DCDC2: variants seen among roughly 807,000 people sequenced by gnomAD.
DCDC2 encodes doublecortin domain containing 2.
DCDC2 carries 40 observed loss-of-function variants against 50.2 expected under a neutral mutation model. That is an observed-to-expected ratio of 0.80 (90% confidence interval 0.62 to 1.04). The LOEUF is 1.04. DCDC2 is among the 50% of genes least tolerant of loss of function. The probability of loss-of-function intolerance (pLI) is 0.00; values close to 1 mark genes in which losing one functional copy is unlikely to be tolerated. For synonymous variants in DCDC2, 234 were observed against 210.6 expected (o/e 1.11, Z -0.96); for missense variants, 570 against 581.9 (o/e 0.98, Z 0.21).
intron 2 of DCDC2, among the ~76,000 whole-genome samples, chr6:24,330,993 C>CA (rs1759955146): frequency 6.6e-6 from 1 of 151,808 alleles, no homozygotes; most frequent in Non-Finnish European, 1.5e-5. Context: ...AAAAAGAAGG[C>CA]AAAAAAATGA....
intron 7 of DCDC2, among the ~76,000 whole-genome samples, chr6:24,206,574 A>G (rs1761721315): frequency 6.6e-6 from 1 of 152,208 alleles, no homozygotes; most frequent in South Asian, 2.1e-4. Context: ...TTGCTTACTA[A>G]GAGACTACAA....
chr6:24,340,142 G>A (rs929709182), intron 2 of DCDC2, among the ~76,000 whole-genome samples: 5 of 152,022 alleles, frequency 3.3e-5, no homozygotes, highest in South Asian at 2.1e-4. Flanking sequence ...ATCTGCAGAC[G>A]TTCACACATG....
chr6:24,231,843 C>G (rs1762342022), intron 7 of DCDC2, among the ~76,000 whole-genome samples: 1 of 152,090 alleles, frequency 6.6e-6, no homozygotes, highest in Non-Finnish European at 1.5e-5. Context: ...CAAGAAGCTG[C>G]AAATCTAAAT....
chr6:24,288,288 G>C (rs1763661231), intron 6 of DCDC2, among the ~76,000 whole-genome samples: 1 of 152,196 alleles, frequency 6.6e-6, no homozygotes, highest in African/African-American at 2.4e-5. Flanking sequence ...CCATCAGGGA[G>C]CGCAGACTGA....
intron 4 of DCDC2, among the ~76,000 whole-genome samples, chr6:24,297,483 G>A (rs893102508): frequency 2.6e-5 from 4 of 151,972 alleles, no homozygotes; most frequent in East Asian, 3.9e-4. Flanking sequence ...AAAAAAAGAA[G>A]TTTCTCTAAG....
At chr6:24,361,642 C>A (rs79425384), upstream of DCDC2, among the ~76,000 whole-genome samples, 1 of 152,088 alleles carries the variant, frequency 6.6e-6, no homozygotes, top group African/African-American at 2.4e-5. Context: ...TAAGTAGCCC[C>A]CTCCCCAAAC....
intron 2 of DCDC2, among the ~76,000 whole-genome samples, chr6:24,313,665 A>G (rs1759611883): frequency 6.6e-6 from 1 of 152,236 alleles, no homozygotes; most frequent in Non-Finnish European, 1.5e-5. Context: ...CTGCAAGGAA[A>G]TAAGTCATTT....
chr6:24,314,629 A>G (rs925687741), intron 2 of DCDC2, among the ~76,000 whole-genome samples: 30 of 152,332 alleles, frequency 2.0e-4, no homozygotes, highest in African/African-American at 6.7e-4. Flanking sequence ...CGATATAGGA[A>G]TCTTCTCATA....
At chr6:24,355,470 T>G (rs1395665695) in intron 1 of DCDC2, among the ~76,000 whole-genome samples, 1 of 152,220 alleles carries the variant, frequency 6.6e-6, no homozygotes, top group Non-Finnish European at 1.5e-5. Flanking sequence ...GTCTTATATT[T>G]ATGTAACACT....
intron 7 of DCDC2, among the ~76,000 whole-genome samples, chr6:24,276,460 G>T (rs1321321805): frequency 6.6e-6 from 1 of 151,606 alleles, no homozygotes; most frequent in African/African-American, 2.4e-5. Flanking sequence ...GTTTCATGAT[G>T]GGTATTAAAG....
At chr6:24,220,493 G>A (rs541653056) in intron 7 of DCDC2, among the ~76,000 whole-genome samples, 1 of 152,274 alleles carries the variant, frequency 6.6e-6, no homozygotes, top group South Asian at 2.1e-4. Flanking sequence ...TGAACATGAG[G>A]TCCTACATCT....
intron 7 of DCDC2, among the ~76,000 whole-genome samples, chr6:24,208,363 C>T (rs940669864): frequency 3.6e-5 from 3 of 84,424 alleles, no homozygotes; most frequent in African/African-American, 1.0e-4. Flanking sequence ...CTCTGTGCTA[C>T]TTTTTTTTTT....
chr6:24,197,106 A>C (rs1468834655), intron 8 of DCDC2, among the ~76,000 whole-genome samples: 1 of 149,766 alleles, frequency 6.7e-6, no homozygotes, highest in South Asian at 2.1e-4. Flanking sequence ...CTTCAAGCAC[A>C]TACCAATTTG....
the DCDC2 span, among the ~76,000 whole-genome samples, chr6:24,364,442 A>T: frequency 2.0e-5 from 3 of 152,100 alleles, no homozygotes; most frequent in Non-Finnish European, 4.4e-5. Context: ...CTGGCTACGT[A>T]ATTACAAATC....
chr6:24,264,047 C>T (rs1334359112), intron 7 of DCDC2, among the ~76,000 whole-genome samples: 1 of 152,152 alleles, frequency 6.6e-6, no homozygotes, highest in African/African-American at 2.4e-5. Flanking sequence ...GCAGATTTCT[C>T]ATTGCCAACC....
intron 8 of DCDC2, among the ~76,000 whole-genome samples, chr6:24,204,470 T>C (rs112508438): frequency 0.06 from 9,086 of 152,026 alleles, 841 homozygotes; most frequent in African/African-American, 0.2. Flanking sequence ...GTGAACATCA[T>C]ACACTGGGGC....
intron 5 of DCDC2, among the ~76,000 whole-genome samples, chr6:24,289,999 T>G (rs1232342729): frequency 1.1e-5 from 1 of 87,172 alleles, no homozygotes; most frequent in Non-Finnish European, 2.1e-5. Flanking sequence ...TTTTTTTTTT[T>G]TTTTTTTTTT....
At chr6:24,285,292 C>T (rs1763575888) in intron 6 of DCDC2, among the ~76,000 whole-genome samples, 1 of 152,192 alleles carries the variant, frequency 6.6e-6, no homozygotes, top group Non-Finnish European at 1.5e-5. Flanking sequence ...GACAACTTTG[C>T]TTTCTATGGG....
At chr6:24,357,437 C>T (rs769170057) in intron 1 of DCDC2, 21 bp downstream of exon 1, 2 of 1,577,328 alleles carry the variant, frequency 1.3e-6, no homozygotes, top group African/African-American at 1.3e-5. Context: ...AATGGGTGGG[C>T]GGTGGGGGAG....
Sources: allele counts gnomAD v4.1 joint callset (sites outside exome capture counted in the v4.1 genomes callset), GRCh38; gene constraint gnomAD v4.1.1; transcripts MANE v1.5; gene names NCBI Gene and HGNC (gene_info 2026-07-23, HGNC 2026-07-21).